CNTNAP3: variants seen among roughly 807,000 people sequenced by gnomAD.
CNTNAP3 encodes contactin associated protein family member 3, also known as contactin-associated protein-like 3.
Under a neutral mutation model 92.1 loss-of-function variants are expected in CNTNAP3, and 36 were observed. That is an observed-to-expected ratio of 0.39 (90% CI 0.30 to 0.52). The LOEUF (loss-of-function observed/expected upper bound fraction) is 0.52, where lower values mean the gene tolerates loss of function less well. CNTNAP3 is among the 20% of genes least tolerant of loss of function. The pLI is 0.76. For synonymous variants in CNTNAP3, 232 were observed against 422.3 expected (o/e 0.55, Z 5.53); for missense variants, 534 against 1,069.6 (o/e 0.50, Z 6.98).
rs1825505550 is a variant in CNTNAP3 at position 39,066,175 on chromosome 9, A to G, written c.*7715T>C. 6.6e-6 allele frequency among the ~76,000 whole-genome samples: 1 copy of G among 152,240 alleles called. No homozygotes were observed. The highest frequency in any genetic ancestry group is 1.5e-5 in the Non-Finnish European group (1 of 68,032). The stretch of plus-strand genomic sequence containing the variant: ...ATTTGCTTTAGGGATTACACCATAC[A>G]GATGTTTTAACTTAAAGATAACTTG... On this transcript the variant is annotated 3_prime_UTR_variant, in exon 24 of 24. Coordinates refer to ENST00000297668, the MANE Select transcript of CNTNAP3 (RefSeq NM_033655.5).
chr9:39,113,954 TTCTC>T (rs1001248500), intron 14 of CNTNAP3, among the ~76,000 whole-genome samples: 17 of 151,154 alleles, frequency 1.1e-4, no homozygotes, highest in African/African-American at 3.2e-4. Flanking sequence ...TATTTGTTAA[TTCTC>T]TCTCTCTCTA....
chr9:39,084,216 T>TTTTTTTTA (rs1826015826), intron 21 of CNTNAP3, among the ~76,000 whole-genome samples: 1 of 144,406 alleles, frequency 6.9e-6, no homozygotes, highest in African/African-American at 2.5e-5. Context: ...TTTTTTTTTT[T>TTTTTTTTA]GAGACAGAGT....
At chr9:39,140,289 G>A (rs1055325357) in intron 12 of CNTNAP3, among the ~76,000 whole-genome samples, 1 of 152,164 alleles carries the variant, frequency 6.6e-6, no homozygotes, top group Admixed American at 6.5e-5. Context: ...TACGAAGAGT[G>A]TAGGAGCTAG....
chr9:39,119,101 G>A (rs535182290), intron 13 of CNTNAP3, among the ~76,000 whole-genome samples: 1,874 of 152,120 alleles, frequency 0.012, 45 homozygotes, highest in South Asian at 0.085. Context: ...AGGGGGTCAG[G>A]GGCCACAAGT....
At chr9:39,088,287 C>G in intron 19 of CNTNAP3, 136 bp downstream of exon 19, 1 of 816,556 alleles carries the variant, frequency 1.2e-6, no homozygotes, top group East Asian at 2.7e-5. Flanking sequence ...AAGGCAGGCA[C>G]TGAAAAACCA....
At chr9:39,096,842 A>G (rs1298019234) in intron 18 of CNTNAP3, among the ~76,000 whole-genome samples, 1 of 150,284 alleles carries the variant, frequency 6.7e-6, no homozygotes, top group Non-Finnish European at 1.5e-5. Context: ...GTTTTTAATA[A>G]GATGTGTCTG....
chr9:39,109,113 C>T (rs1326674750), intron 15 of CNTNAP3, 47 bp downstream of exon 15: 3 of 1,588,396 alleles, frequency 1.9e-6, no homozygotes, highest in Non-Finnish European at 2.6e-6. Context: ...CTTTTATAAC[C>T]AAAAAAAGTT....
chr9:39,105,868 T>TCTCACACACACATA (rs1826591862), intron 15 of CNTNAP3, among the ~76,000 whole-genome samples: 3 of 120,558 alleles, frequency 2.5e-5, no homozygotes, highest in African/African-American at 8.8e-5. Context: ...TCTCTCTCTC[T>TCTCACACACACATA]CACACACACA....
intron 18 of CNTNAP3, among the ~76,000 whole-genome samples, chr9:39,090,600 A>G (rs1300703328): frequency 2.6e-5 from 4 of 152,312 alleles, no homozygotes; most frequent in African/African-American, 9.6e-5. Flanking sequence ...TAGGCCAGTT[A>G]TATACTGCTT....
intron 21 of CNTNAP3, among the ~76,000 whole-genome samples, chr9:39,082,485 TA>T (rs1172359346): frequency 6.6e-6 from 1 of 152,150 alleles, no homozygotes; most frequent in Admixed American, 6.5e-5. Context: ...CAAAATCTCC[TA>T]TCTTCTTGAC....
intron 14 of CNTNAP3, among the ~76,000 whole-genome samples, chr9:39,110,191 T>A (rs536257635): frequency 1.1e-4 from 17 of 151,612 alleles, no homozygotes; most frequent in Admixed American, 2.6e-4. Context: ...AGCTCTGGAG[T>A]TCGAAACCAG....
At chr9:39,077,945 C>A (rs540759305) in intron 23 of CNTNAP3, among the ~76,000 whole-genome samples, 1 of 152,142 alleles carries the variant, frequency 6.6e-6, no homozygotes, top group East Asian at 1.9e-4. Flanking sequence ...GTGGCTCACG[C>A]CTGTGATCTC....
chr9:39,085,697 A>G lies in CNTNAP3; in HGVS notation c.3442+39T>C, dbSNP rs749668640. ...GATGAATGCTTCCAGAGTTTGTGAC[A>G]TGACACTTATTTGGGAAAAAGCTCT... On this transcript the variant is annotated intron_variant, in intron 21 of 23. Coordinates refer to ENST00000297668, the MANE Select transcript of CNTNAP3 (RefSeq NM_033655.5). The G allele has an allele frequency of 2.1e-6, 3 of 1,414,070 alleles. 1 individual carries two copies. Among genetic ancestry groups the G allele is most frequent in the East Asian group, 5.4e-5 (2 of 37,004 alleles). The allele number at this position is 1,414,070 out of a possible 1,614,324, so 87.6% of individuals were successfully genotyped here.
At chr9:39,104,525 C>A (rs1163725647) in intron 15 of CNTNAP3, among the ~76,000 whole-genome samples, 2 of 148,572 alleles carry the variant, frequency 1.3e-5, no homozygotes, top group African/African-American at 5.0e-5. Context: ...CACACACTGT[C>A]TTAATTCCTT....
chr9:39,103,445 G>A (rs530291180), intron 16 of CNTNAP3, among the ~76,000 whole-genome samples: 37 of 152,116 alleles, frequency 2.4e-4, no homozygotes, highest in African/African-American at 8.7e-4. Context: ...AGCTGGGCAC[G>A]GTGGTGCCTG....
In CNTNAP3 at chr9:39,134,675, A is replaced by G. The variant is rs1758276; in HGVS notation, c.1877-1540T>C. On this transcript the variant is annotated intron_variant, in intron 12 of 23. Coordinates refer to ENST00000297668, the MANE Select transcript of CNTNAP3 (RefSeq NM_033655.5). ...ACTCCCAACCTCAGGTGATCCACCC[A>G]CCTTGGCCTCCCAAAGTGCTGGGAT... Among the ~76,000 whole-genome samples, 123 of 152,200 alleles carry G rather than the reference A, an allele frequency of 8.1e-4. 1 individual carries two copies. The highest frequency in any genetic ancestry group is 6.8e-3 in the Middle Eastern group (2 of 292).
intron 18 of CNTNAP3, among the ~76,000 whole-genome samples, chr9:39,097,435 C>T (rs529308182): frequency 6.6e-6 from 1 of 152,018 alleles, no homozygotes; most frequent in African/African-American, 2.4e-5. Context: ...CTTGCCTTGC[C>T]TCTCCTGGTG....
intron 18 of CNTNAP3, among the ~76,000 whole-genome samples, chr9:39,097,332 C>T (rs1826349749): frequency 6.6e-6 from 1 of 151,992 alleles, no homozygotes; most frequent in African/African-American, 2.4e-5. Context: ...GAATGTGCCT[C>T]ACTGCTCTGA....
At position 39,133,109 on chromosome 9, in the gene CNTNAP3, G is replaced by C; in HGVS notation, c.1903C>G (p.His635Asp). 1 of 1,574,352 alleles carries C rather than the reference G, an allele frequency of 6.4e-7. No individual in the cohort carries two copies. The highest frequency in any genetic ancestry group is 1.2e-5 in the South Asian group (1 of 86,458). The change falls in exon 13 of 24, where the codon CAC becomes GAC. Residue 635 changes from histidine (H) to aspartate (D), a missense_variant. Coordinates refer to ENST00000297668, the MANE Select transcript of CNTNAP3 (RefSeq NM_033655.5). ...AGGGTCACCGCGTCGGGGCCACCGTGCTGCACCACCGTCCACGCGGCGTCT... is the reference window on the plus strand; with the variant it reads ...AGGGTCACCGCGTCGGGGCCACCGTCCTGCACCACCGTCCACGCGGCGTCT... ...TADAAWTVVQ[H>D]GGPDAVTLRG...
Sources: gnomAD v4.1 joint callset for allele counts (sites outside exome capture counted in the v4.1 genomes callset) on GRCh38, gnomAD v4.1.1 for gene constraint, MANE v1.5 for transcripts, NCBI Gene and HGNC (gene_info 2026-07-23, HGNC 2026-07-21) for gene names.